TRAP1: variants seen among roughly 807,000 people sequenced by gnomAD.
TRAP1 encodes the protein heat shock protein 75 kDa, mitochondrial.
Under a neutral mutation model 89.1 loss-of-function variants are expected in TRAP1, and 102 were observed. That is an observed-to-expected ratio of 1.15 (90% CI 0.98 to 1.35). The LOEUF (loss-of-function observed/expected upper bound fraction) is 1.35. Ranked by LOEUF, TRAP1 falls within the 40% of genes most tolerant of loss-of-function variation. The pLI, the probability that TRAP1 is intolerant of heterozygous loss-of-function variation, is 0.00. For synonymous variants in TRAP1, 508 were observed against 388.0 expected (o/e 1.31, Z -3.64); for missense variants, 1,256 against 945.3 (o/e 1.33, Z -4.31).
chr16:3,697,020 C>A (rs1470933899), intron 1 of TRAP1, among the ~76,000 whole-genome samples: 2 of 152,146 alleles, frequency 1.3e-5, no homozygotes, highest in African/African-American at 2.4e-5. Context: ...GACACCACGC[C>A]CAGCCTAAGG....
chr16:3,710,176 G>C (rs768123082), intron 1 of TRAP1, among the ~76,000 whole-genome samples: 5 of 152,148 alleles, frequency 3.3e-5, no homozygotes, highest in Non-Finnish European at 4.4e-5. Context: ...AGGGCACCTC[G>C]GAATAGTCAA....
At chr16:3,674,568 C>A in intron 8 of TRAP1, 74 bp from the exon 9 acceptor site, 1 of 1,548,988 alleles carries the variant, frequency 6.5e-7, no homozygotes, top group South Asian at 1.2e-5. Context: ...CAGGCCTGAG[C>A]CAGTGCAGCG....
chr16:3,676,175 G>A (rs754184113), intron 6 of TRAP1, 30 bp from the exon 7 acceptor site: 4 of 1,602,078 alleles, frequency 2.5e-6, no homozygotes, highest in East Asian at 4.5e-5. Context: ...GAAAAGCCAG[G>A]TGGATGTGAC....
chr16:3,673,217 A>T (rs1381899612), intron 9 of TRAP1, among the ~76,000 whole-genome samples: 1 of 152,210 alleles, frequency 6.6e-6, no homozygotes, highest in Non-Finnish European at 1.5e-5. Context: ...ACAGTTGAGG[A>T]AAGATTTCAA....
At chr16:3,716,267 G>T (rs937705551) in intron 1 of TRAP1, among the ~76,000 whole-genome samples, 3 of 152,158 alleles carry the variant, frequency 2.0e-5, no homozygotes, top group Non-Finnish European at 4.4e-5. Context: ...AAATTGATAA[G>T]GCCTTTTTGG....
intron 15 of TRAP1, chr16:3,662,601 C>A (rs1040722107): frequency 3.1e-6 from 2 of 635,590 alleles, no homozygotes; most frequent in Admixed American, 2.1e-5. Context: ...GGAACCCCCA[C>A]GTCCTCAGCC....
At chr16:3,691,098 G>A (rs2051208646) in intron 1 of TRAP1, 113 bp from the exon 2 acceptor site, 9 of 1,053,228 alleles carry the variant, frequency 8.5e-6, no homozygotes, top group Non-Finnish European at 1.0e-5. Context: ...TCTCTAAGTC[G>A]GGCTGTTGCT....
Position 3,663,529 on chromosome 16 carries a change from T to A in TRAP1, c.1603A>T (p.Thr535Ser). 1 of 1,613,926 alleles carries A rather than the reference T, an allele frequency of 6.2e-7. No individual in the cohort carries two copies. The highest frequency in any genetic ancestry group is 1.1e-5 in the South Asian group (1 of 91,056). The change falls in exon 14 of 18, where the codon ACC becomes TCC. Residue 535 changes from threonine to serine, a missense_variant. Thr to Ser is a moderately conservative substitution (Grantham distance 58, BLOSUM62 1). Transcript: ENST00000246957. ...LFCFEQFDELTLLHLREFDKK... is the reference protein window; with the variant it reads ...LFCFEQFDELSLLHLREFDKK... ...TCAAACTCACGAAGGTGCAGCAGGGTGAGCTCATCAAACTGCTCAAAGCAG... is the reference window on the plus strand; with the variant it reads ...TCAAACTCACGAAGGTGCAGCAGGGAGAGCTCATCAAACTGCTCAAAGCAG...
rs189381885 is a variant in TRAP1, at chr16:3,670,332, G to A, written c.1235+1390C>T. Among the ~76,000 whole-genome samples the A allele has an allele frequency of 6.7e-3, 903 of 134,590 alleles. 5 individuals carry two copies. The highest frequency in any genetic ancestry group is 0.01 in the Non-Finnish European group (660 of 65,728). The allele number at this position is 134,590 out of a possible 152,430, so 88.3% of individuals were successfully genotyped here. ...TAGGAGGCGAAGGTTGCAGTGAGCC[G>A]AGACTGCGCCACTGCACTCCAGCCT... On this transcript the variant is annotated intron_variant, in intron 11 of 17. Coordinates refer to ENST00000246957, the MANE Select transcript of TRAP1 (RefSeq NM_016292.3).
chr16:3,677,723 T>C, intron 5 of TRAP1, 65 bp from the exon 6 acceptor site: 2 of 1,556,182 alleles, frequency 1.3e-6, no homozygotes, highest in Non-Finnish European at 1.7e-6. Flanking sequence ...CCCAACACCG[T>C]GGCTCTTCTG....
intron 1 of TRAP1, among the ~76,000 whole-genome samples, chr16:3,707,956 A>G (rs2051473533): frequency 6.6e-6 from 1 of 151,972 alleles, no homozygotes; most frequent in African/African-American, 2.4e-5. Flanking sequence ...AGGCAGAAGT[A>G]GGAGGATCAC....
rs375377376 is a variant in TRAP1, at chr16:3,673,007, G to A, written c.1045-187C>T. On this transcript the variant is annotated intron_variant, in intron 9 of 17. Coordinates refer to ENST00000246957, the MANE Select transcript of TRAP1 (RefSeq NM_016292.3). ...CCCACACTGTGGCTCTGCAGGGGCT[G>A]AAGGCCTTCTCTGGCAGCTGCCGCC... 1.2e-4 allele frequency among the ~76,000 whole-genome samples: 18 copies of A among 152,238 alleles called. No individual in the cohort carries two copies. In the East Asian group the frequency reaches 2.3e-3, roughly 20 times the overall value.
At chr16:3,678,964 G>A (rs1291972991) in intron 5 of TRAP1, among the ~76,000 whole-genome samples, 1 of 152,194 alleles carries the variant, frequency 6.6e-6, no homozygotes, top group East Asian at 1.9e-4. Flanking sequence ...CTCTCACACA[G>A]CGCCGTGATG....
chr16:3,711,328 C>T (rs868155658), intron 1 of TRAP1, among the ~76,000 whole-genome samples: 3 of 152,126 alleles, frequency 2.0e-5, no homozygotes, highest in African/African-American at 4.8e-5. Flanking sequence ...GGGCTGGGAA[C>T]GGTGGCGCAC....
At chr16:3,713,516 A>G (rs2051559161) in intron 1 of TRAP1, among the ~76,000 whole-genome samples, 1 of 152,214 alleles carries the variant, frequency 6.6e-6, no homozygotes, top group African/African-American at 2.4e-5. Context: ...CAGCTTACAG[A>G]GAACAAAAAG....
intron 11 of TRAP1, among the ~76,000 whole-genome samples, chr16:3,667,044 G>A (rs527987750): frequency 6.6e-6 from 1 of 152,328 alleles, no homozygotes; most frequent in East Asian, 1.9e-4. Flanking sequence ...TTCAGCCACA[G>A]GGCAGAATGG....
chr16:3,703,959 G>A (rs761233144), intron 1 of TRAP1, among the ~76,000 whole-genome samples: 51 of 151,808 alleles, frequency 3.4e-4, no homozygotes, highest in Non-Finnish European at 6.2e-4. Flanking sequence ...AGCGTGCAGT[G>A]AGCCGAGATC....
chr16:3,708,401 G>A (rs1261141031), intron 1 of TRAP1, among the ~76,000 whole-genome samples: 2 of 152,164 alleles, frequency 1.3e-5, no homozygotes, highest in Admixed American at 6.5e-5. Flanking sequence ...CACTTTGGGA[G>A]GCTGAGGCGG....
chr16:3,675,079 C>G (rs2050970609), intron 8 of TRAP1, among the ~76,000 whole-genome samples: 1 of 152,158 alleles, frequency 6.6e-6, no homozygotes, highest in African/African-American at 2.4e-5. Context: ...ATGTGGTGAG[C>G]CAGCTGGGAT....
Sources: gnomAD v4.1 joint callset for allele counts (sites outside exome capture counted in the v4.1 genomes callset) on GRCh38, gnomAD v4.1.1 for gene constraint, MANE v1.5 for transcripts, NCBI Gene and HGNC (gene_info 2026-07-23, HGNC 2026-07-21) for gene names.